UBR2: variants seen among roughly 807,000 people sequenced by gnomAD.
UBR2 encodes E3 ubiquitin-protein ligase UBR2.
UBR2 carries 92 observed loss-of-function variants against 247.9 expected under a neutral mutation model. The observed-to-expected ratio is 0.37, with a 90% CI of 0.31 to 0.44. The LOEUF (loss-of-function observed/expected upper bound fraction) is 0.44, where lower values mean the gene tolerates loss of function less well. Ranked by LOEUF, UBR2 falls within the 20% of genes least tolerant of loss-of-function variation. The pLI is 1.00. For missense variants in UBR2, 1,613 were observed against 2,112.6 expected, an observed-to-expected ratio of 0.76 and a Z score of 4.64; for synonymous variants, 672 against 693.5, an observed-to-expected ratio of 0.97 and a Z score of 0.49.
chr6:42,661,245 G>A (rs1229101366), intron 30 of UBR2, among the ~76,000 whole-genome samples: 3 of 151,736 alleles, frequency 2.0e-5, no homozygotes, highest in Non-Finnish European at 2.9e-5. Context: ...TCGAGATCGC[G>A]CCACTGCACT....
chr6:42,573,209 C>T (rs1219732518), intron 1 of UBR2, among the ~76,000 whole-genome samples: 1 of 152,100 alleles, frequency 6.6e-6, no homozygotes, highest in East Asian at 1.9e-4. Context: ...GTACAACAGT[C>T]TCTTGTGGAC....
intron 7 of UBR2, among the ~76,000 whole-genome samples, chr6:42,609,732 AAT>A (rs919996559): frequency 2.0e-5 from 3 of 151,830 alleles, no homozygotes; most frequent in African/African-American, 4.8e-5. Context: ...AAAAAAAAAA[AAT>A]AATAACAAAA....
chr6:42,687,863 G>C (rs1799532505), intron 44 of UBR2, among the ~76,000 whole-genome samples: 1 of 152,038 alleles, frequency 6.6e-6, no homozygotes, highest in Non-Finnish European at 1.5e-5. Context: ...ATTCAGCATT[G>C]TTTCTAAGAT....
chr6:42,658,048 C>G lies in UBR2; in HGVS notation c.2897C>G (p.Ser966Cys). The change falls in exon 27 of 47, where the codon TCT (serine) becomes TGT (cysteine). Residue 966 changes from serine (S) to cysteine (C), a missense_variant. Physicochemically the swap from Ser to Cys is moderately radical, Grantham distance 112. Around this residue, in one of 3 missense-constraint regions of UBR2, gnomAD observed 1,524 missense variants for 1,967.3 expected, o/e 0.77. Coordinates refer to ENST00000372901, the MANE Select transcript of UBR2 (RefSeq NM_001363705.2). ...ISKPGEAPKN[S>C]PSILAMLETL... ...GAACCTGGTGAAGCGCCAAAAAATT[C>G]TCCTAGCATACTAGCTATGCTGGAA... The G allele has an allele frequency of 6.2e-7, 1 of 1,613,842 alleles. No individual in the cohort carries two copies. The highest frequency in any genetic ancestry group is 1.1e-5 in the South Asian group (1 of 91,022).
chr6:42,625,962 C>T (rs1329686282), intron 11 of UBR2, among the ~76,000 whole-genome samples: 4 of 151,720 alleles, frequency 2.6e-5, no homozygotes, highest in African/African-American at 7.3e-5. Flanking sequence ...TACAGGCACC[C>T]GCCACCATGC....
At chr6:42,642,590 TAGC>T in intron 18 of UBR2, 109 bp downstream of exon 18, 2 of 839,770 alleles carry the variant, frequency 2.4e-6, no homozygotes, top group South Asian at 3.2e-5. Flanking sequence ...AACTCCAGCC[TAGC>T]CCTGTCTCCT....
chr6:42,608,417 A>G (rs374580050), intron 7 of UBR2, among the ~76,000 whole-genome samples: 12 of 152,254 alleles, frequency 7.9e-5, no homozygotes, highest in African/African-American at 2.6e-4. Flanking sequence ...CTTGAGGCCA[A>G]GAGTTTGGGA....
intron 2 of UBR2, among the ~76,000 whole-genome samples, chr6:42,576,522 C>CTTTTTTTT (rs58739895): frequency 8.1e-5 from 7 of 86,140 alleles, no homozygotes; most frequent in East Asian, 3.3e-4. Context: ...GCCTTTCCCT[C>CTTTTTTTT]TTTTTTTTTT....
At chr6:42,679,254 G>A (rs551644422) in intron 41 of UBR2, among the ~76,000 whole-genome samples, 1 of 152,338 alleles carries the variant, frequency 6.6e-6, no homozygotes, top group African/African-American at 2.4e-5. Context: ...TTTGTCCACT[G>A]GCATTTCCAT....
At chr6:42,660,977 T>G (rs1013944418) in intron 30 of UBR2, among the ~76,000 whole-genome samples, 9 of 136,452 alleles carry the variant, frequency 6.6e-5, no homozygotes, top group African/African-American at 2.3e-4. Flanking sequence ...GTTTTTTTGT[T>G]TGTTTGTTTG....
intron 2 of UBR2, among the ~76,000 whole-genome samples, chr6:42,585,312 T>G (rs1792183314): frequency 6.6e-6 from 1 of 152,198 alleles, no homozygotes; most frequent in Admixed American, 6.5e-5. Context: ...GAATTATAAC[T>G]TTTGTATATT....
In UBR2 at chr6:42,564,063, T is replaced by C. The variant is rs762318435; in HGVS notation, c.-257T>C. Reference sequence around the variant, plus strand: ...AGCGAGAGTGTCAGGCCTGGGGTTTTCTGTGTCCTTCCCTGGGTCAGGGAC... The same window carrying C: ...AGCGAGAGTGTCAGGCCTGGGGTTTCCTGTGTCCTTCCCTGGGTCAGGGAC... On this transcript the variant is annotated 5_prime_UTR_variant, in exon 1 of 47. Coordinates refer to ENST00000372901, the MANE Select transcript of UBR2 (RefSeq NM_001363705.2). 1.9e-6 allele frequency: 1 copy of C among 518,622 alleles called. No homozygotes were observed. The highest frequency in any genetic ancestry group is 3.4e-6 in the Non-Finnish European group (1 of 295,964). The allele number at this position is 518,622 out of a possible 1,614,324, so 32.1% of individuals were successfully genotyped here. A position where few individuals can be genotyped will look rare whatever the true frequency, so the allele number is the denominator to read the frequency against.
At chr6:42,656,733 C>T (rs976017680) in intron 26 of UBR2, among the ~76,000 whole-genome samples, 2 of 152,154 alleles carry the variant, frequency 1.3e-5, no homozygotes, top group South Asian at 4.1e-4. Flanking sequence ...TCCTTTTTGC[C>T]CTCATCCAAG....
At chr6:42,569,673 C>T (rs577313102) in intron 1 of UBR2, among the ~76,000 whole-genome samples, 16 of 152,020 alleles carry the variant, frequency 1.1e-4, no homozygotes, top group African/African-American at 3.6e-4. Flanking sequence ...AAAGCAAAAC[C>T]AAAAGTAGTT....
At chr6:42,585,959 G>C (rs1303666928) in intron 2 of UBR2, among the ~76,000 whole-genome samples, 1 of 152,038 alleles carries the variant, frequency 6.6e-6, no homozygotes, top group East Asian at 1.9e-4. Flanking sequence ...AGGTTATTTA[G>C]AAGTGCATTG....
intron 44 of UBR2, among the ~76,000 whole-genome samples, chr6:42,686,801 C>T (rs2151996429): frequency 6.6e-6 from 1 of 152,200 alleles, no homozygotes; most frequent in African/African-American, 2.4e-5. Flanking sequence ...CTCCTCACTT[C>T]CCAGACGGGG....
chr6:42,625,055 C>T (rs1280216420), intron 11 of UBR2, among the ~76,000 whole-genome samples: 1 of 152,144 alleles, frequency 6.6e-6, no homozygotes, highest in Admixed American at 6.5e-5. Flanking sequence ...TGACCAAGGA[C>T]AGCTTGGAGG....
intron 38 of UBR2, among the ~76,000 whole-genome samples, chr6:42,674,839 C>T (rs1361212880): frequency 6.6e-6 from 1 of 151,836 alleles, no homozygotes; most frequent in Non-Finnish European, 1.5e-5. Flanking sequence ...CTGGCAGATA[C>T]AGCCCTGTGG....
chr6:42,665,597 G>A (rs1174763419), intron 33 of UBR2, 85 bp downstream of exon 33: 3 of 1,064,006 alleles, frequency 2.8e-6, no homozygotes, highest in Non-Finnish European at 2.7e-6. Flanking sequence ...GTTTAAAAGT[G>A]AAACCTCCCA....
Sources: gnomAD v4.1 joint callset for allele counts (sites outside exome capture counted in the v4.1 genomes callset) on GRCh38, gnomAD v4.1.1 for gene constraint, gnomAD v4.1.1 regional missense constraint, MANE v1.5 for transcripts, NCBI Gene and HGNC (gene_info 2026-07-23, HGNC 2026-07-21) for gene names.